The following ZNF385B variants were observed in gnomAD, a reference collection of about 807,000 sequenced individuals.
The protein encoded by ZNF385B is zinc finger protein 533.
Under a neutral mutation model 39.2 loss-of-function variants are expected in ZNF385B, and 23 were observed. That is an observed-to-expected ratio of 0.59 (90% CI 0.42 to 0.83). The LOEUF (loss-of-function observed/expected upper bound fraction) is 0.83. Among genes scored for constraint, ZNF385B ranks in the 40% least tolerant of loss-of-function variants. ZNF385B has a pLI of 0.00. For missense variants in ZNF385B, 552 were observed against 598.9 expected (o/e 0.92, Z 0.82); for synonymous variants, 205 against 222.6 (o/e 0.92, Z 0.70).
At chr2:179,448,321 T>C (rs958384244) in intron 6 of ZNF385B, among the ~76,000 whole-genome samples, 1 of 152,138 alleles carries the variant, frequency 6.6e-6, no homozygotes, top group South Asian at 2.1e-4. Context: ...CAGATTGAAT[T>C]TGCAATCTTA....
chr2:179,766,030 T>TCA (rs71029829), intron 3 of ZNF385B, among the ~76,000 whole-genome samples: 13,289 of 140,824 alleles, frequency 0.094, 663 homozygotes, highest in Non-Finnish European at 0.11. Context: ...GGTACATTGA[T>TCA]CACACACACA....
At chr2:179,515,343 C>T (rs1475685482) in intron 5 of ZNF385B, among the ~76,000 whole-genome samples, 2 of 152,080 alleles carry the variant, frequency 1.3e-5, no homozygotes, top group Non-Finnish European at 2.9e-5. Flanking sequence ...ATCTTTTGCA[C>T]GATTTTTGCA....
intron 4 of ZNF385B, among the ~76,000 whole-genome samples, chr2:179,525,420 C>G (rs139001821): frequency 1.3e-5 from 2 of 152,284 alleles, no homozygotes; most frequent in African/African-American, 4.8e-5. Context: ...CCTCTTTCCT[C>G]ATTATAACTG....
intron 1 of ZNF385B, among the ~76,000 whole-genome samples, chr2:179,788,481 T>C (rs1705136429): frequency 6.6e-6 from 1 of 151,782 alleles, no homozygotes; most frequent in African/African-American, 2.4e-5. Context: ...CCCTTGAGAG[T>C]TCAGAACACC....
intron 3 of ZNF385B, among the ~76,000 whole-genome samples, chr2:179,587,449 T>A (rs1238470941): frequency 6.6e-6 from 1 of 152,180 alleles, no homozygotes; most frequent in Non-Finnish European, 1.5e-5. Flanking sequence ...CGATAACTAG[T>A]TTGTCCTTTT....
At chr2:179,727,197 C>G (rs1297102223) in intron 3 of ZNF385B, among the ~76,000 whole-genome samples, 2 of 151,996 alleles carry the variant, frequency 1.3e-5, no homozygotes, top group Non-Finnish European at 2.9e-5. Flanking sequence ...GATAACCACT[C>G]AATTTTATGA....
chr2:179,471,878 T>C lies in ZNF385B; in HGVS notation c.715+11394A>G, dbSNP rs142031065. The stretch of plus-strand genomic sequence containing the variant: ...CCCGTCATTTCATTCTGCCCTAATA[T>C]GTTACTTGCTTTTTCTATGTTGCTT... On this transcript the variant is annotated intron_variant, in intron 6 of 9. Transcript: ENST00000410066. Among the ~76,000 whole-genome samples, 416 of 152,336 alleles carry C rather than the reference T, an allele frequency of 2.7e-3. 2 individuals are homozygous for C. Among genetic ancestry groups the C allele is most frequent in the African/African-American group, 9.4e-3 (392 of 41,580 alleles).
intron 5 of ZNF385B, among the ~76,000 whole-genome samples, chr2:179,488,445 G>C (rs2054853138): frequency 6.6e-6 from 1 of 152,110 alleles, no homozygotes. Flanking sequence ...CGCACGGCCT[G>C]ATTTTTACCT....
rs1559473179 is a variant in ZNF385B at position 179,557,560 on chromosome 2, TTATATATGTATGTTATA to T, written c.299-12608_299-12592del. On this transcript the variant is annotated intron_variant, in intron 3 of 9. Transcript: ENST00000410066. Reference sequence around the variant, plus strand: ...TACATGTATATAACATATATACATGTTATATATGTATGTTATATACATGTATATAACATATATACATG... The same window carrying T: ...TACATGTATATAACATATATACATGTTACATGTATATAACATATATACATG... Among the ~76,000 whole-genome samples the T allele has an allele frequency of 6.6e-4, 69 of 105,158 alleles. 2 individuals carry two copies. The highest frequency in any genetic ancestry group is 2.3e-3 in the African/African-American group (67 of 28,740). The allele number at this position is 105,158 out of a possible 152,430, so 69.0% of individuals were successfully genotyped here.
At chr2:179,780,621 G>T (rs2106522692) in intron 1 of ZNF385B, among the ~76,000 whole-genome samples, 1 of 152,260 alleles carries the variant, frequency 6.6e-6, no homozygotes, top group Non-Finnish European at 1.5e-5. Context: ...CTTCATCCTT[G>T]ATTGTAGACA....
intron 3 of ZNF385B, among the ~76,000 whole-genome samples, chr2:179,767,412 C>A (rs1272317256): frequency 6.6e-6 from 1 of 152,136 alleles, no homozygotes; most frequent in Non-Finnish European, 1.5e-5. Flanking sequence ...ATGTGCCCAG[C>A]CCTCCACTCT....
chr2:179,563,744 C>T (rs2105971242), intron 3 of ZNF385B, among the ~76,000 whole-genome samples: 1 of 152,248 alleles, frequency 6.6e-6, no homozygotes, highest in South Asian at 2.1e-4. Flanking sequence ...CAAATAACAA[C>T]TGGGCATTCC....
intron 3 of ZNF385B, chr2:179,746,044 T>G: frequency 9.3e-7 from 1 of 1,073,982 alleles, no homozygotes; most frequent in Non-Finnish European, 1.1e-6. Context: ...AGAAGCACTG[T>G]CAATGTACAA....
At chr2:179,798,210 C>T (rs1159319660) in intron 1 of ZNF385B, among the ~76,000 whole-genome samples, 1 of 151,870 alleles carries the variant, frequency 6.6e-6, no homozygotes, top group Non-Finnish European at 1.5e-5. Context: ...CAAATGGACT[C>T]CTGAGACACA....
At position 179,705,114 on chromosome 2, in the gene ZNF385B, A is replaced by C. The variant is rs573468481; in HGVS notation, c.298+64389T>G. Among the ~76,000 whole-genome samples the C allele has an allele frequency of 1.3e-4, 19 of 150,822 alleles. 1 individual carries two copies. Among genetic ancestry groups the C allele is most frequent in the Admixed American group, 1.1e-3 (17 of 15,154 alleles). Reference sequence around the variant, plus strand: ...ATTCCATAGAAAATAAGACAAAAAAACTCCCTACTATCCTCCATCTCTGCC... The same window carrying C: ...ATTCCATAGAAAATAAGACAAAAAACCTCCCTACTATCCTCCATCTCTGCC... On this transcript the variant is annotated intron_variant, in intron 3 of 9. Coordinates refer to ENST00000410066, the MANE Select transcript of ZNF385B (RefSeq NM_152520.6).
chr2:179,607,906 CTCTT>C, intron 3 of ZNF385B, among the ~76,000 whole-genome samples: 1 of 116,830 alleles, frequency 8.6e-6, no homozygotes, highest in South Asian at 3.1e-4. Context: ...TTCTCAGAAA[CTCTT>C]TTTTTTTTTT....
At chr2:179,644,543 A>C (rs1277269697) in intron 3 of ZNF385B, among the ~76,000 whole-genome samples, 1 of 152,198 alleles carries the variant, frequency 6.6e-6, no homozygotes, top group Non-Finnish European at 1.5e-5. Context: ...TTAAAACTCA[A>C]TTTAAGAGAG....
chr2:179,802,287 A>G (rs1187679874), intron 1 of ZNF385B, among the ~76,000 whole-genome samples: 2 of 152,062 alleles, frequency 1.3e-5, no homozygotes, highest in African/African-American at 4.8e-5. Flanking sequence ...TATGTAATTC[A>G]TCATTTTAAA....
At chr2:179,740,782 A>G (rs1702042872) in intron 3 of ZNF385B, among the ~76,000 whole-genome samples, 1 of 152,200 alleles carries the variant, frequency 6.6e-6, no homozygotes, top group Non-Finnish European at 1.5e-5. Context: ...ACATCAGTTT[A>G]AACTAGTAGA....
Sources: allele counts gnomAD v4.1 joint callset (sites outside exome capture counted in the v4.1 genomes callset), GRCh38; gene constraint gnomAD v4.1.1; transcripts MANE v1.5; gene names NCBI Gene and HGNC (gene_info 2026-07-23, HGNC 2026-07-21).